Variants in ARHGAP20 observed in about 807,000 individuals in gnomAD.
The protein encoded by ARHGAP20 is Rho GTPase activating protein 20.
Under a neutral mutation model 73.7 loss-of-function variants are expected in ARHGAP20, and 34 were observed. The ratio of observed to expected loss-of-function variants is 0.46; its 90% CI spans 0.35 to 0.61. ARHGAP20 has a LOEUF of 0.61. ARHGAP20 is among the 20% of genes least tolerant of loss of function. The pLI, the probability that ARHGAP20 is intolerant of heterozygous loss-of-function variation, is 0.00. For synonymous variants in ARHGAP20, 523 were observed against 518.2 expected (o/e 1.01, Z -0.13); for missense variants, 1,314 against 1,420.9 (o/e 0.92, Z 1.21).
At chr11:110,661,236 C>G (rs1949604349) in intron 2 of ARHGAP20, among the ~76,000 whole-genome samples, 1 of 152,052 alleles carries the variant, frequency 6.6e-6, no homozygotes, top group Non-Finnish European at 1.5e-5. Flanking sequence ...TCCAGGTGCA[C>G]AAACATAACC....
intron 3 of ARHGAP20, among the ~76,000 whole-genome samples, chr11:110,625,312 C>T (rs1347497154): frequency 6.6e-6 from 1 of 152,078 alleles, no homozygotes; most frequent in East Asian, 1.9e-4. Flanking sequence ...GCTGGGATTA[C>T]AGGCGTGAGC....
At chr11:110,666,166 T>C (rs1024926731) in intron 2 of ARHGAP20, among the ~76,000 whole-genome samples, 2 of 152,074 alleles carry the variant, frequency 1.3e-5, no homozygotes, top group African/African-American at 4.8e-5. Context: ...TTGACAAAAA[T>C]GTGCAAGACA....
intron 2 of ARHGAP20, among the ~76,000 whole-genome samples, chr11:110,647,085 T>G (rs1307215912): frequency 6.6e-6 from 1 of 151,426 alleles, no homozygotes; most frequent in South Asian, 2.1e-4. Flanking sequence ...GCTGTGGGGG[T>G]TTTAGTAAGA....
At position 110,712,227 on chromosome 11, in the gene ARHGAP20, T is replaced by TA. The variant is rs1304122238; in HGVS notation, c.4_5insT (p.Glu2ValfsTer53). ...AGTCTCCTGCTGGGGGGACATCGCT[T>TA]CCATGAAGAAAATCTTCAAACAAAT... On this transcript the variant is annotated frameshift_variant, in exon 1 of 15. Coordinates refer to ENST00000683387, the MANE Select transcript of ARHGAP20 (RefSeq NM_001384657.1). LOFTEE classifies it high-confidence loss of function. The TA allele has an allele frequency of 1.8e-5, 24 of 1,350,854 alleles. No individual in the cohort carries two copies. Among genetic ancestry groups the TA allele is most frequent in the Non-Finnish European group, 2.3e-5 (24 of 1,042,566 alleles). The allele number at this position is 1,350,854 out of a possible 1,614,324, so 83.7% of individuals were successfully genotyped here.
In ARHGAP20 at chr11:110,625,056, A is replaced by G. The variant is rs1325695452; in HGVS notation, c.354-745T>C. On this transcript the variant is annotated intron_variant, in intron 3 of 14. Transcript: ENST00000683387. The stretch of plus-strand genomic sequence containing the variant: ...TATTTTTTTTTTTTTTTTGAGACGG[A>G]GTCTCGCTCTGTCGCCCAGGCCGGA... 4.1e-3 allele frequency among the ~76,000 whole-genome samples: 571 copies of G among 139,462 alleles called. 5 individuals carry two copies. Among genetic ancestry groups the G allele is most frequent in the African/African-American group, 0.014 (535 of 37,688 alleles). 91.5% of individuals were successfully genotyped at this position (139,462 alleles called of 152,430 possible).
chr11:110,668,074 C>T (rs894467017), intron 2 of ARHGAP20, among the ~76,000 whole-genome samples: 5 of 152,190 alleles, frequency 3.3e-5, no homozygotes, highest in African/African-American at 1.2e-4. Context: ...AGAGGACTGA[C>T]TTCAATTTTG....
intron 1 of ARHGAP20, among the ~76,000 whole-genome samples, chr11:110,694,545 TGCA>T (rs1591184507): frequency 1.3e-5 from 2 of 151,738 alleles, no homozygotes; most frequent in Non-Finnish European, 3.0e-5. Context: ...AACACAAAAC[TGCA>T]GCAACACTAC....
upstream of ARHGAP20, chr11:110,712,489 C>A: frequency 6.3e-6 from 1 of 158,854 alleles, no homozygotes; most frequent in South Asian, 1.9e-4. Context: ...GGCCCGCCCC[C>A]TCCGCTCCGG....
intron 2 of ARHGAP20, among the ~76,000 whole-genome samples, chr11:110,672,929 T>G (rs1212907001): frequency 6.6e-6 from 1 of 152,206 alleles, no homozygotes; most frequent in African/African-American, 2.4e-5. Flanking sequence ...CTCACAAATG[T>G]TGATAGCAGC....
intron 3 of ARHGAP20, among the ~76,000 whole-genome samples, chr11:110,627,382 T>G (rs543404721): frequency 6.6e-6 from 1 of 152,176 alleles, no homozygotes; most frequent in African/African-American, 2.4e-5. Context: ...TGTGAGCCAC[T>G]GCGCCTGGCC....
At chr11:110,590,340 C>T (rs890313383) in intron 11 of ARHGAP20, among the ~76,000 whole-genome samples, 2 of 152,024 alleles carry the variant, frequency 1.3e-5, no homozygotes, top group South Asian at 2.1e-4. Context: ...TTTTGGTATA[C>T]GTGTGTTTTT....
rs149963439 is a variant in ARHGAP20 at position 110,611,297 on chromosome 11, A to T, written c.708+12T>A. On this transcript the variant is annotated intron_variant, in intron 7 of 14. Coordinates refer to ENST00000683387, the MANE Select transcript of ARHGAP20 (RefSeq NM_001384657.1). ...TTATTTTTAATTAAGAATGTCTAGC[A>T]GAATAACTTACAGTTATCCCTAGCA... The T allele has an allele frequency of 6.8e-7, 1 of 1,479,116 alleles. No individual in the cohort carries two copies. The highest frequency in any genetic ancestry group is 9.2e-7 in the Non-Finnish European group (1 of 1,088,552). The allele number at this position is 1,479,116 out of a possible 1,614,324, so 91.6% of individuals were successfully genotyped here. A position where few individuals can be genotyped will look rare whatever the true frequency, so the allele number is the denominator to read the frequency against.
chr11:110,690,505 C>G (rs189187402), intron 2 of ARHGAP20, 42 bp downstream of exon 2: 2 of 1,559,588 alleles, frequency 1.3e-6, no homozygotes, highest in Non-Finnish European at 1.8e-6. Context: ...ATATAAACTT[C>G]CAAGCACATA....
At chr11:110,631,229 A>G (rs2134959082) in intron 2 of ARHGAP20, among the ~76,000 whole-genome samples, 1 of 152,292 alleles carries the variant, frequency 6.6e-6, no homozygotes, top group African/African-American at 2.4e-5. Flanking sequence ...AAAATGTAGA[A>G]ATCTTAGGTG....
chr11:110,678,713 G>A (rs1161552772), intron 2 of ARHGAP20, among the ~76,000 whole-genome samples: 1 of 152,058 alleles, frequency 6.6e-6, no homozygotes. Context: ...CCAGGCTGGA[G>A]TGCAGTGGCA....
In ARHGAP20 at chr11:110,583,691, G is replaced by C. The variant is rs1021217377; in HGVS notation, c.1462C>G (p.Leu488Val). ...PRANVVLLRYLFGVLHNIEQH... is the reference protein window; with the variant it reads ...PRANVVLLRYVFGVLHNIEQH... ...TCAATGTTGTGTAACACCCCAAAAA[G>C]ATACCTTAGGAGAACAACATTGGCT... The change falls in exon 13 of 15, where the codon CTT becomes GTT. Residue 488 changes from leucine to valine, a missense_variant. Leu to Val is a conservative substitution (Grantham distance 32). This residue lies in a region of ARHGAP20 where 230 missense variants were observed against 317.6 expected (regional missense o/e 0.72). Transcript: ENST00000683387. 1 of 1,606,676 alleles carries C rather than the reference G, an allele frequency of 6.2e-7. No homozygotes were observed. The highest frequency in any genetic ancestry group is 1.1e-5 in the South Asian group (1 of 90,014).
At chr11:110,595,318 A>T (rs1293492825) in intron 9 of ARHGAP20, among the ~76,000 whole-genome samples, 4 of 152,182 alleles carry the variant, frequency 2.6e-5, no homozygotes, top group African/African-American at 9.7e-5. Flanking sequence ...GAAGGAAATA[A>T]AGGGCATTCA....
chr11:110,669,510 T>G (rs188252733), intron 2 of ARHGAP20, among the ~76,000 whole-genome samples: 1 of 151,214 alleles, frequency 6.6e-6, no homozygotes, highest in African/African-American at 2.4e-5. Context: ...AGATGTGAAC[T>G]GGCTCTTTTT....
chr11:110,659,912 G>C (rs1271044308), intron 2 of ARHGAP20, among the ~76,000 whole-genome samples: 11 of 151,808 alleles, frequency 7.2e-5, no homozygotes, highest in Non-Finnish European at 1.5e-4. Context: ...TGTGGGGTGG[G>C]GGGAGTGGGG....
Sources: allele counts gnomAD v4.1 joint callset (sites outside exome capture counted in the v4.1 genomes callset), GRCh38; gene constraint gnomAD v4.1.1; regional missense constraint gnomAD v4.1.1; transcripts MANE v1.5; gene names NCBI Gene and HGNC (gene_info 2026-07-23, HGNC 2026-07-21).